The following SNCAIP variants were observed in gnomAD, a reference collection of about 807,000 sequenced individuals.
SNCAIP encodes the protein synphilin-1.
A neutral mutation model predicts 86.7 loss-of-function variants in SNCAIP; 43 were observed. That is an observed-to-expected ratio of 0.50 (90% confidence interval 0.39 to 0.64). The LOEUF (loss-of-function observed/expected upper bound fraction) is 0.64. Among genes scored for constraint, SNCAIP ranks in the 30% least tolerant of loss-of-function variants. The pLI is 0.00. For missense variants in SNCAIP, 981 were observed against 1,103.1 expected (o/e 0.89, Z 1.57); for synonymous variants, 417 against 427.2 (o/e 0.98, Z 0.29).
chr5:122,463,684 AAC>A lies in SNCAIP; in HGVS notation c.*190_*191del. 1.7e-6 allele frequency: 1 copy of A among 602,380 alleles called. No homozygotes were observed. The highest frequency in any genetic ancestry group is 3.0e-5 in the Admixed American group (1 of 33,212). The allele number at this position is 602,380 out of a possible 1,614,324, so 37.3% of individuals were successfully genotyped here. On this transcript the variant is annotated 3_prime_UTR_variant, in exon 11 of 11. Transcript: ENST00000261368. Reference sequence around the variant, plus strand: ...GAAAACAATGCCTCACCAGCAGAAGAACAGAATATCAGGATGCCTTAAATTTA... The same window carrying A: ...GAAAACAATGCCTCACCAGCAGAAGAAGAATATCAGGATGCCTTAAATTTA...
chr5:122,352,111 A>C (rs1430795311), intron 1 of SNCAIP, among the ~76,000 whole-genome samples: 2 of 152,166 alleles, frequency 1.3e-5, no homozygotes, highest in African/African-American at 4.8e-5. Flanking sequence ...TTTTAGTGAA[A>C]GTTACTTATC....
intron 10 of SNCAIP, among the ~76,000 whole-genome samples, chr5:122,452,409 C>T (rs1783880194): frequency 6.6e-6 from 1 of 152,144 alleles, no homozygotes; most frequent in Non-Finnish European, 1.5e-5. Context: ...GATCATTCTC[C>T]ATGTGATCCA....
chr5:122,336,512 G>A (rs1471259106), intron 1 of SNCAIP, among the ~76,000 whole-genome samples: 1 of 152,158 alleles, frequency 6.6e-6, no homozygotes, highest in Non-Finnish European at 1.5e-5. Flanking sequence ...TGTCCTCCCA[G>A]ACCTCAGAAA....
At chr5:122,358,193 GTGTGTGTGTGTATA>G (rs1244319606) in intron 1 of SNCAIP, among the ~76,000 whole-genome samples, 13 of 98,160 alleles carry the variant, frequency 1.3e-4, no homozygotes, top group African/African-American at 4.1e-4. Context: ...GTGTGTGTGT[GTGTGTGTGTGTATA>G]TATATATATA....
At chr5:122,453,360 A>G (rs558832628) in intron 10 of SNCAIP, among the ~76,000 whole-genome samples, 11 of 152,360 alleles carry the variant, frequency 7.2e-5, no homozygotes, top group African/African-American at 2.4e-4. Context: ...TCCGATCAGA[A>G]CTAGAACTTT....
chr5:122,379,950 T>G (rs1239089755), intron 1 of SNCAIP, among the ~76,000 whole-genome samples: 1 of 152,198 alleles, frequency 6.6e-6, no homozygotes, highest in East Asian at 1.9e-4. Flanking sequence ...GCCAGTATTT[T>G]ATTGAGGATT....
intron 1 of SNCAIP, among the ~76,000 whole-genome samples, chr5:122,316,767 G>A (rs1751821410): frequency 6.6e-6 from 1 of 152,182 alleles, no homozygotes; most frequent in Non-Finnish European, 1.5e-5. Context: ...AAAAGCTCAT[G>A]CAAGGTGCTG....
intron 1 of SNCAIP, among the ~76,000 whole-genome samples, chr5:122,377,523 A>C (rs1765612083): frequency 6.6e-6 from 1 of 150,402 alleles, no homozygotes; most frequent in Non-Finnish European, 1.5e-5. Flanking sequence ...AGAGAGAGAA[A>C]GAAAGAAAGA....
intron 1 of SNCAIP, among the ~76,000 whole-genome samples, chr5:122,361,956 A>C (rs1206903330): frequency 1.3e-5 from 2 of 152,242 alleles, no homozygotes; most frequent in African/African-American, 4.8e-5. Flanking sequence ...GGATAGATTC[A>C]GTTTGGGGAC....
chr5:122,460,550 C>T (rs1785928377), intron 10 of SNCAIP, among the ~76,000 whole-genome samples: 1 of 152,046 alleles, frequency 6.6e-6, no homozygotes, highest in South Asian at 2.1e-4. Context: ...CACACACGCA[C>T]CTACACACAT....
intron 3 of SNCAIP, among the ~76,000 whole-genome samples, chr5:122,416,987 A>G (rs1239251405): frequency 1.3e-5 from 2 of 152,174 alleles, no homozygotes; most frequent in African/African-American, 4.8e-5. Context: ...TTAACTTTTA[A>G]TGAAAAACAG....
At chr5:122,434,228 A>G (rs1778954939) in intron 6 of SNCAIP, among the ~76,000 whole-genome samples, 1 of 152,196 alleles carries the variant, frequency 6.6e-6, no homozygotes, top group African/African-American at 2.4e-5. Flanking sequence ...CCTAAAAAGG[A>G]ATTTTAAGTA....
chr5:122,452,884 T>G (rs1783993645), intron 10 of SNCAIP: 2 of 1,266,600 alleles, frequency 1.6e-6, no homozygotes, highest in Non-Finnish European at 2.2e-6. Context: ...GTGCTGAGCT[T>G]GTTGCATGTT....
chr5:122,326,318 A>G (rs1241864598), intron 1 of SNCAIP, among the ~76,000 whole-genome samples: 1 of 152,204 alleles, frequency 6.6e-6, no homozygotes, highest in Non-Finnish European at 1.5e-5. Context: ...GCTCTCATTC[A>G]TAAGCCACAT....
intron 7 of SNCAIP, 119 bp downstream of exon 7, chr5:122,440,873 C>A: frequency 2.1e-6 from 2 of 946,610 alleles, no homozygotes; most frequent in Non-Finnish European, 3.3e-6. Context: ...TGGTCGTAGA[C>A]AATAAGGAAT....
chr5:122,314,840 C>T (rs369852006), intron 1 of SNCAIP, among the ~76,000 whole-genome samples: 5 of 152,188 alleles, frequency 3.3e-5, no homozygotes, highest in Admixed American at 1.3e-4. Flanking sequence ...CTAATTGATT[C>T]CTAAATAGTT....
At chr5:122,338,744 GGAA>G (rs1197600475) in intron 1 of SNCAIP, among the ~76,000 whole-genome samples, 2 of 152,098 alleles carry the variant, frequency 1.3e-5, no homozygotes, top group African/African-American at 4.8e-5. Context: ...TCATTGTTTT[GGAA>G]GAAGTTTTGT....
chr5:122,345,164 G>C (rs116827139), intron 1 of SNCAIP, among the ~76,000 whole-genome samples: 1 of 152,094 alleles, frequency 6.6e-6, no homozygotes, highest in Non-Finnish European at 1.5e-5. Flanking sequence ...GAATTCACTA[G>C]TATTGTCAAC....
chr5:122,387,979 G>A (rs921550790), intron 1 of SNCAIP, among the ~76,000 whole-genome samples: 5 of 152,180 alleles, frequency 3.3e-5, no homozygotes, highest in Non-Finnish European at 7.4e-5. Flanking sequence ...TACAAAATTG[G>A]GGGTAATGGT....
Sources: allele counts gnomAD v4.1 joint callset (sites outside exome capture counted in the v4.1 genomes callset), GRCh38; gene constraint gnomAD v4.1.1; transcripts MANE v1.5; gene names NCBI Gene and HGNC (gene_info 2026-07-23, HGNC 2026-07-21).